The following AVPI1 variants were observed in gnomAD, a reference collection of about 807,000 sequenced individuals.
AVPI1 encodes arginine vasopressin-induced protein 1.
In AVPI1, 9 loss-of-function variants were observed where a neutral mutation model predicts 11.9. The observed-to-expected ratio is 0.76, with a 90% confidence interval of 0.46 to 1.32. The LOEUF (loss-of-function observed/expected upper bound fraction) is 1.32, where lower values mean the gene tolerates loss of function less well. AVPI1 is among the 40% of genes most tolerant of loss of function. The probability of loss-of-function intolerance (pLI) is 0.00; values close to 1 mark genes in which losing one functional copy is unlikely to be tolerated. For missense variants in AVPI1, 207 were observed against 195.8 expected (o/e 1.06, Z -0.34); for synonymous variants, 68 against 78.1 (o/e 0.87, Z 0.68).
At chr10:97,681,439 G>A (rs1382874940) in intron 1 of AVPI1, among the ~76,000 whole-genome samples, 5 of 151,936 alleles carry the variant, frequency 3.3e-5, no homozygotes, top group Admixed American at 1.3e-4. Flanking sequence ...AAAAGTAGCC[G>A]GGCGTGGTGG....
chr10:97,679,820 T>C lies in AVPI1; in HGVS notation c.86A>G (p.Asn29Ser), dbSNP rs1478290417. Residue 29 changes from asparagine to serine, a missense_variant, in exon 2 of 3, where the codon AAC becomes AGC. By Grantham distance (46) the Asn-to-Ser change is conservative. Coordinates refer to ENST00000370626, the MANE Select transcript of AVPI1 (RefSeq NM_021732.3). ...EARGRKQASANIFQDAELLQI... is the reference protein window; with the variant it reads ...EARGRKQASASIFQDAELLQI... ...CAGCAGCTCGGCGTCCTGGAAGATG[T>C]TGGCCGAGGCCTGCTTGCGGCCCCG... 3.1e-6 allele frequency: 5 copies of C among 1,612,066 alleles called. No homozygotes were observed. Among genetic ancestry groups the C allele is most frequent in the Admixed American group, 1.7e-5 (1 of 59,808 alleles).
intron 2 of AVPI1, among the ~76,000 whole-genome samples, chr10:97,678,954 TG>T (rs2041685585): frequency 2.3e-5 from 1 of 43,048 alleles, no homozygotes; most frequent in South Asian, 9.5e-4. Context: ...TGTGTGTGTG[TG>T]TGTGTGTGTG....
intron 1 of AVPI1, among the ~76,000 whole-genome samples, chr10:97,685,650 A>G (rs2041725169): frequency 6.6e-6 from 1 of 152,172 alleles, no homozygotes. Flanking sequence ...GCTATCCTAT[A>G]CAGACATGCC....
chr10:97,680,012 C>T, intron 1 of AVPI1, 97 bp from the exon 2 acceptor site: 1 of 1,195,716 alleles, frequency 8.4e-7, no homozygotes, highest in Non-Finnish European at 1.1e-6. Context: ...TTTCCATTCT[C>T]CAAGAGCTAA....
chr10:97,684,087 T>C (rs1277046225), intron 1 of AVPI1, among the ~76,000 whole-genome samples: 1 of 152,152 alleles, frequency 6.6e-6, no homozygotes, highest in Non-Finnish European at 1.5e-5. Flanking sequence ...CCCTACTCTA[T>C]GTTGTTTTGC....
chr10:97,679,930 C>G lies in AVPI1; in HGVS notation c.-10-15G>C. The G allele has an allele frequency of 6.5e-7, 1 of 1,531,570 alleles. No individual in the cohort carries two copies. Among genetic ancestry groups the G allele is most frequent in the Non-Finnish European group, 8.8e-7 (1 of 1,142,336 alleles). 94.9% of individuals were successfully genotyped at this position (1,531,570 alleles called of 1,614,324 possible). ...TTGTGGATGCTCTGAGGATGCAAAG[C>G]ATGGAGACATCATCAACTCAGCTGG... On this transcript the variant is annotated splice_polypyrimidine_tract_variant and intron_variant, in intron 1 of 2. Transcript: ENST00000370626.
In AVPI1 at chr10:97,677,505, C is replaced by T. The variant is rs1259227308; in HGVS notation, c.*364G>A. On this transcript the variant is annotated 3_prime_UTR_variant, in exon 3 of 3. Coordinates refer to ENST00000370626, the MANE Select transcript of AVPI1 (RefSeq NM_021732.3). ...TGGTGTGGGGGTGTGGAACAGGCTG[C>T]TGGAACCATGGTTTACAGTAGTAGC... The T allele has an allele frequency of 4.8e-6, 1 of 209,762 alleles. No homozygotes were observed. Among genetic ancestry groups the T allele is most frequent in the Non-Finnish European group, 9.7e-6 (1 of 103,544 alleles). The allele number at this position is 209,762 out of a possible 1,614,324, so 13.0% of individuals were successfully genotyped here.
intron 1 of AVPI1, among the ~76,000 whole-genome samples, chr10:97,684,253 G>C (rs1049153549): frequency 6.6e-6 from 1 of 152,086 alleles, no homozygotes; most frequent in Non-Finnish European, 1.5e-5. Context: ...CACCTCCCCA[G>C]GAAAAGAAGG....
At chr10:97,680,487 C>T (rs1185176394) in intron 1 of AVPI1, among the ~76,000 whole-genome samples, 11 of 152,182 alleles carry the variant, frequency 7.2e-5, no homozygotes, top group Non-Finnish European at 1.6e-4. Flanking sequence ...GCCCAGGTGC[C>T]GTAGCACAAA....
intron 1 of AVPI1, among the ~76,000 whole-genome samples, chr10:97,681,166 G>A (rs1266793967): frequency 6.6e-6 from 1 of 152,140 alleles, no homozygotes; most frequent in Non-Finnish European, 1.5e-5. Context: ...GTCAAATGGG[G>A]ATAAGATTAC....
Position 97,677,890 on chromosome 10 carries a change from G to A in AVPI1, c.423C>T (p.Tyr141=), listed in dbSNP as rs904050965. 1 of 1,614,196 alleles carries A rather than the reference G, an allele frequency of 6.2e-7. No individual in the cohort carries two copies. Among genetic ancestry groups the A allele is most frequent in the South Asian group, 1.1e-5 (1 of 91,086 alleles). Residue 141 remains tyrosine (Y), a synonymous_variant, in exon 3 of 3, where the codon TAC becomes TAT. Transcript: ENST00000370626. ...RNWRKSGPTS[Y]LHQIRH Reference sequence around the variant, plus strand: ...TGGATCAGTGTCTGATCTGGTGGAGGTAGCTTGTGGGGCCTGACTTCCTCC... The same window carrying A: ...TGGATCAGTGTCTGATCTGGTGGAGATAGCTTGTGGGGCCTGACTTCCTCC...
chr10:97,678,950 TG>T lies in AVPI1; in HGVS notation c.287+668del, dbSNP rs2041685313. ...GTGTGTGTGTGTGTGTGTGTGTGTG[TG>T]TGTGTGTGTGTGTGTGTGTGTGTGT... On this transcript the variant is annotated intron_variant, in intron 2 of 2. Transcript: ENST00000370626. Among the ~76,000 whole-genome samples, 3 of 39,516 alleles carry T rather than the reference TG, an allele frequency of 7.6e-5. 1 individual carries two copies. In the South Asian group the frequency reaches 3.4e-3, roughly 45 times the overall value. 25.9% of individuals were successfully genotyped at this position (39,516 alleles called of 152,430 possible). A position where few individuals can be genotyped will look rare whatever the true frequency, so the allele number is the denominator to read the frequency against.
chr10:97,681,942 A>C (rs1214417723), intron 1 of AVPI1, among the ~76,000 whole-genome samples: 8 of 152,052 alleles, frequency 5.3e-5, no homozygotes, highest in Admixed American at 2.6e-4. Flanking sequence ...CAACAATTAA[A>C]AAATACAAAT....
In AVPI1 at chr10:97,679,602, C is replaced by T. The variant is rs534777882; in HGVS notation, c.287+17G>A. On this transcript the variant is annotated intron_variant, in intron 2 of 2. Transcript: ENST00000370626. ...CATTAGTGCTCTTCCCTCAGCCATCCGGTTCTAGGAACCTACCTGAGGCGG... is the reference window on the plus strand; with the variant it reads ...CATTAGTGCTCTTCCCTCAGCCATCTGGTTCTAGGAACCTACCTGAGGCGG... 8.1e-6 allele frequency: 13 copies of T among 1,597,376 alleles called. No homozygotes were observed. The highest frequency in any genetic ancestry group is 8.0e-5 in the African/African-American group (6 of 74,634).
intron 1 of AVPI1, among the ~76,000 whole-genome samples, chr10:97,683,956 G>A (rs1234778120): frequency 6.6e-6 from 1 of 152,218 alleles, no homozygotes; most frequent in Non-Finnish European, 1.5e-5. Flanking sequence ...TCCACCCGCA[G>A]GTAAGTCTGT....
rs950849352 is a variant in AVPI1 at position 97,680,041 on chromosome 10, C to T, written c.-10-126G>A. The T allele has an allele frequency of 6.3e-6, 6 of 954,158 alleles. No homozygotes were observed. The African/African-American group carries it at 6.7e-5, about 11-fold the overall frequency. The allele number at this position is 954,158 out of a possible 1,614,324, so 59.1% of individuals were successfully genotyped here. A position where few individuals can be genotyped will look rare whatever the true frequency, so the allele number is the denominator to read the frequency against. The stretch of plus-strand genomic sequence containing the variant: ...GAGCTAAACTGGAGGAAGTCTCCTG[C>T]CTTAAAATCACTTAAGCACTTATGT... On this transcript the variant is annotated intron_variant, in intron 1 of 2. Transcript: ENST00000370626.
Position 97,678,918 on chromosome 10 carries a change from TGTGTGTGTGTGTGTGTGTGTGTG to T in AVPI1, c.287+678_287+700del, listed in dbSNP as rs1564779830. On this transcript the variant is annotated intron_variant, in intron 2 of 2. Transcript: ENST00000370626. ...GTGTGTGTGTGTGTGTGTGTGTGTGTGTGTGTGTGTGTGTGTGTGTGTGTGTGTGTGTGTGTGTGTGTGTGTGT... is the reference window on the plus strand; with the variant it reads ...GTGTGTGTGTGTGTGTGTGTGTGTGTTGTGTGTGTGTGTGTGTGTGTGTGT... Among the ~76,000 whole-genome samples, 35 of 13,100 alleles carry T rather than the reference TGTGTGTGTGTGTGTGTGTGTGTG, an allele frequency of 2.7e-3. 1 individual carries two copies. Among genetic ancestry groups the T allele is most frequent in the African/African-American group, 6.8e-3 (29 of 4,290 alleles). The allele number at this position is 13,100 out of a possible 152,430, so 8.6% of individuals were successfully genotyped here. A position where few individuals can be genotyped will look rare whatever the true frequency, so the allele number is the denominator to read the frequency against.
intron 1 of AVPI1, among the ~76,000 whole-genome samples, chr10:97,681,948 C>T (rs1244608163): frequency 1.4e-5 from 2 of 142,470 alleles, no homozygotes; most frequent in Non-Finnish European, 1.6e-5. Context: ...TTAAAAAATA[C>T]AAATAAAAAA....
At position 97,679,870 on chromosome 10, in the gene AVPI1, G is replaced by A. The variant is rs1328392417; in HGVS notation, c.36C>T (p.Pro12=). Residue 12 remains proline (P), a synonymous_variant, in exon 2 of 3, where the codon CCC becomes CCT. Coordinates refer to ENST00000370626, the MANE Select transcript of AVPI1 (RefSeq NM_021732.3). ...GTPASVVSEP[P]PWQAPIEARG... Reference sequence around the variant, plus strand: ...GGGCCTCAATCGGGGCCTGCCAAGGGGGTGGCTCACTGACCACCGAGGCTG... The same window carrying A: ...GGGCCTCAATCGGGGCCTGCCAAGGAGGTGGCTCACTGACCACCGAGGCTG... 1 of 1,595,794 alleles carries A rather than the reference G, an allele frequency of 6.3e-7. No individual in the cohort carries two copies. The highest frequency in any genetic ancestry group is 1.7e-5 in the Admixed American group (1 of 57,470).
Sources: allele counts gnomAD v4.1 joint callset (sites outside exome capture counted in the v4.1 genomes callset), GRCh38; gene constraint gnomAD v4.1.1; transcripts MANE v1.5; gene names NCBI Gene and HGNC (gene_info 2026-07-23, HGNC 2026-07-21).